The following FAT3 variants were observed in gnomAD, a reference collection of about 807,000 sequenced individuals.
FAT3 encodes the protein FAT atypical cadherin 3.
A neutral mutation model predicts 310.2 loss-of-function variants in FAT3; 95 were observed. That is an observed-to-expected ratio of 0.31 (90% CI 0.26 to 0.36). The LOEUF is 0.36. Ranked by LOEUF, FAT3 falls within the 10% of genes least tolerant of loss-of-function variation. The probability of loss-of-function intolerance (pLI) is 1.00; values close to 1 mark genes in which losing one functional copy is unlikely to be tolerated. For synonymous variants in FAT3, 2,314 were observed against 2,192.9 expected (o/e 1.06, Z -1.54); for missense variants, 5,408 against 5,715.6 (o/e 0.95, Z 1.74).
intron 22 of FAT3, among the ~76,000 whole-genome samples, chr11:92,879,878 G>A (rs1029472488): frequency 1.3e-5 from 2 of 152,090 alleles, no homozygotes; most frequent in African/African-American, 4.8e-5. Context: ...ACTGCTAGTG[G>A]ACAAAATAAA....
In FAT3 at chr11:92,774,155, A is replaced by C; in HGVS notation, c.4310A>C (p.Asp1437Ala). ...TATAATATGAGTGTGGAAGTCACCG[A>C]TGGGACAAATGTTGCTGTTACTCAG... Reference protein sequence around the residue: ...SIYNMSVEVTDGTNVAVTQVF... With the variant: ...SIYNMSVEVTAGTNVAVTQVF... The change falls in exon 7 of 28, where the codon GAT (aspartate) becomes GCT (alanine). Residue 1437 changes from aspartate to alanine, a missense_variant. By Grantham distance (126) the Asp-to-Ala change is moderately radical (BLOSUM62 -2). This residue lies in a region of FAT3 where 4,588 missense variants were observed against 4,809.8 expected (regional missense o/e 0.95). Coordinates refer to ENST00000525166, the MANE Select transcript of FAT3 (RefSeq NM_001367949.2). 1 of 1,612,118 alleles carries C rather than the reference A, an allele frequency of 6.2e-7. No homozygotes were observed. Among genetic ancestry groups the C allele is most frequent in the Non-Finnish European group, 8.5e-7 (1 of 1,179,296 alleles).
intron 1 of FAT3, among the ~76,000 whole-genome samples, chr11:92,270,041 C>G (rs1946080978): frequency 6.6e-6 from 1 of 152,122 alleles, no homozygotes; most frequent in African/African-American, 2.4e-5. Context: ...GCTGTGGTTC[C>G]TGTCCTCTCC....
At chr11:92,255,012 TG>T (rs1190547157) in intron 1 of FAT3, among the ~76,000 whole-genome samples, 6 of 152,252 alleles carry the variant, frequency 3.9e-5, no homozygotes, top group African/African-American at 1.4e-4. Flanking sequence ...AGCCACTCAT[TG>T]TTATTTTTTA....
chr11:92,458,661 A>G (rs1450779178), intron 2 of FAT3, among the ~76,000 whole-genome samples: 1 of 152,146 alleles, frequency 6.6e-6, no homozygotes, highest in Non-Finnish European at 1.5e-5. Context: ...TGACTGTTTT[A>G]GAGATAAATG....
intron 3 of FAT3, among the ~76,000 whole-genome samples, chr11:92,666,376 G>T (rs1198368070): frequency 4.0e-5 from 6 of 149,166 alleles, no homozygotes; most frequent in African/African-American, 1.5e-4. Flanking sequence ...TTTTGAGACG[G>T]AATCTCGCTC....
At chr11:92,579,775 T>C (rs1454298982) in intron 3 of FAT3, among the ~76,000 whole-genome samples, 1 of 152,154 alleles carries the variant, frequency 6.6e-6, no homozygotes, top group Non-Finnish European at 1.5e-5. Flanking sequence ...GCACCTGTTA[T>C]GACAAAATAT....
intron 3 of FAT3, among the ~76,000 whole-genome samples, chr11:92,533,075 C>G (rs1012678098): frequency 6.6e-6 from 1 of 152,116 alleles, no homozygotes; most frequent in Admixed American, 6.5e-5. Context: ...CCGCTGTTGC[C>G]CAGGCTGGAG....
At chr11:92,762,248 C>A in intron 5 of FAT3, 78 bp downstream of exon 5, 1 of 1,390,456 alleles carries the variant, frequency 7.2e-7, no homozygotes, top group Non-Finnish European at 9.8e-7. Flanking sequence ...CTCCTTTGAG[C>A]AATAAATCTT....
chr11:92,558,180 C>T (rs1267574293), intron 3 of FAT3, among the ~76,000 whole-genome samples: 3 of 152,216 alleles, frequency 2.0e-5, no homozygotes, highest in African/African-American at 7.2e-5. Context: ...CTCACAGAGG[C>T]ACTTAGTTGT....
Position 92,859,324 on chromosome 11 carries a change from T to G in FAT3, c.11658+2T>G. ...GCAAATCCCTGCATAATTCTGAAGG[T>G]AATTAAAATGGGTTATCTTTTTCTG... On this transcript the variant is annotated splice_donor_variant, in intron 21 of 27. Transcript: ENST00000525166. LOFTEE classifies it high-confidence loss of function. 6.3e-7 allele frequency: 1 copy of G among 1,582,598 alleles called. No homozygotes were observed. Among genetic ancestry groups the G allele is most frequent in the Non-Finnish European group, 8.6e-7 (1 of 1,159,614 alleles).
chr11:92,259,167 C>T (rs1361228993), intron 1 of FAT3, among the ~76,000 whole-genome samples: 1 of 152,004 alleles, frequency 6.6e-6, no homozygotes, highest in Non-Finnish European at 1.5e-5. Flanking sequence ...ACCTTTAATT[C>T]TTAGGATTCT....
chr11:92,592,836 T>G (rs1047117566), intron 3 of FAT3, among the ~76,000 whole-genome samples: 1 of 152,164 alleles, frequency 6.6e-6, no homozygotes, highest in Non-Finnish European at 1.5e-5. Flanking sequence ...ATCCATAACA[T>G]AAAATTTACC....
chr11:92,459,888 G>T (rs997531055), intron 2 of FAT3, among the ~76,000 whole-genome samples: 2 of 152,148 alleles, frequency 1.3e-5, no homozygotes, highest in African/African-American at 4.8e-5. Context: ...AACTTTGCAT[G>T]CCTTATATAC....
intron 1 of FAT3, among the ~76,000 whole-genome samples, chr11:92,298,792 A>G (rs1202228984): frequency 1.3e-5 from 2 of 152,132 alleles, no homozygotes; most frequent in African/African-American, 4.8e-5. Flanking sequence ...TTGTCAGCAT[A>G]TGAGTGAGAT....
intron 1 of FAT3, among the ~76,000 whole-genome samples, chr11:92,295,645 G>A (rs1220637766): frequency 6.6e-6 from 1 of 151,968 alleles, no homozygotes; most frequent in East Asian, 1.9e-4. Context: ...AAGACTTTAA[G>A]TTACAGTTGG....
chr11:92,605,157 G>A (rs1297056618), intron 3 of FAT3, among the ~76,000 whole-genome samples: 2 of 152,160 alleles, frequency 1.3e-5, no homozygotes, highest in Non-Finnish European at 2.9e-5. Flanking sequence ...CAGGAGCATG[G>A]ATTTCATCTT....
chr11:92,327,738 C>T (rs1320123360), intron 1 of FAT3, among the ~76,000 whole-genome samples: 1 of 152,152 alleles, frequency 6.6e-6, no homozygotes, highest in African/African-American at 2.4e-5. Flanking sequence ...AAGTAAGTAG[C>T]CATTTGGCAG....
chr11:92,837,039 C>T (rs113082812), intron 16 of FAT3, among the ~76,000 whole-genome samples: 9 of 152,046 alleles, frequency 5.9e-5, no homozygotes, highest in African/African-American at 2.2e-4. Flanking sequence ...CTTTAGCCCT[C>T]GGTGAGCAGG....
chr11:92,535,029 C>T (rs560885930), intron 3 of FAT3, among the ~76,000 whole-genome samples: 1 of 151,606 alleles, frequency 6.6e-6, no homozygotes, highest in Non-Finnish European at 1.5e-5. Context: ...GTGTAACATT[C>T]CTTCCCTCTA....
Sources: gnomAD v4.1 joint callset for allele counts (sites outside exome capture counted in the v4.1 genomes callset) on GRCh38, gnomAD v4.1.1 for gene constraint, gnomAD v4.1.1 regional missense constraint, MANE v1.5 for transcripts, NCBI Gene and HGNC (gene_info 2026-07-23, HGNC 2026-07-21) for gene names.